Variants in AKAP7 observed in about 807,000 individuals in gnomAD.
AKAP7 encodes the protein A-kinase anchoring protein 7.
In AKAP7, 39 loss-of-function variants were observed where a neutral mutation model predicts 39.5. That is an observed-to-expected ratio of 0.99 (90% CI 0.76 to 1.29). The LOEUF (loss-of-function observed/expected upper bound fraction) is 1.29. AKAP7 is among the 50% of genes most tolerant of loss of function. The pLI, the probability that AKAP7 is intolerant of heterozygous loss-of-function variation, is 0.00. For missense variants in AKAP7, 414 were observed against 407.7 expected (o/e 1.02, Z -0.13); for synonymous variants, 140 against 139.1 (o/e 1.01, Z -0.05).
chr6:131,163,237 TTGTAGTTAATCACTTAGAAAG>T (rs1803162583), intron 3 of AKAP7, among the ~76,000 whole-genome samples: 1 of 152,226 alleles, frequency 6.6e-6, no homozygotes, highest in African/African-American at 2.4e-5. Flanking sequence ...AGAGACTTAT[TTGTAGTTAATCACTTAGAAAG>T]CTTACATACA....
intron 7 of AKAP7, chr6:131,241,953 A>G (rs981305701): frequency 1.4e-6 from 1 of 734,706 alleles, no homozygotes; most frequent in African/African-American, 1.9e-5. Context: ...TCTGGTAGAA[A>G]TGAAGATAAT....
chr6:131,264,526 G>C (rs1419818880), intron 7 of AKAP7, among the ~76,000 whole-genome samples: 1 of 152,138 alleles, frequency 6.6e-6, no homozygotes, highest in Non-Finnish European at 1.5e-5. Flanking sequence ...AAGTGAGTAG[G>C]TTTCCCATAT....
intron 1 of AKAP7, among the ~76,000 whole-genome samples, chr6:131,139,908 T>C (rs1242166485): frequency 6.6e-6 from 1 of 152,212 alleles, no homozygotes; most frequent in Non-Finnish European, 1.5e-5. Context: ...TAAACGGACA[T>C]GTATAACATA....
chr6:131,213,171 C>T (rs1256657978), intron 6 of AKAP7, among the ~76,000 whole-genome samples: 1 of 152,152 alleles, frequency 6.6e-6, no homozygotes, highest in African/African-American at 2.4e-5. Flanking sequence ...TGTTATGTGG[C>T]AAGTTAAAGT....
chr6:131,210,199 A>G (rs1808515602), intron 6 of AKAP7, among the ~76,000 whole-genome samples: 1 of 152,260 alleles, frequency 6.6e-6, no homozygotes, highest in African/African-American at 2.4e-5. Context: ...GAGCTGGTTT[A>G]TTTTGACCAT....
Position 131,264,521 on chromosome 6 carries a change from A to G in AKAP7, c.851-17009A>G, listed in dbSNP as rs530547828. 2.9e-3 allele frequency among the ~76,000 whole-genome samples: 444 copies of G among 152,314 alleles called. 3 individuals carry two copies. The highest frequency in any genetic ancestry group is 0.01 in the African/African-American group (428 of 41,550). ...TTCAAGAAATATATTGTATAAAGTG[A>G]GTAGGTTTCCCATATTATGTTTGCT... On this transcript the variant is annotated intron_variant, in intron 7 of 7. Coordinates refer to ENST00000431975, the MANE Select transcript of AKAP7 (RefSeq NM_016377.4).
chr6:131,142,561 A>G (rs1420222713), intron 1 of AKAP7, among the ~76,000 whole-genome samples: 1 of 152,264 alleles, frequency 6.6e-6, no homozygotes, highest in Admixed American at 6.5e-5. Flanking sequence ...TGTACCAGAA[A>G]GCCTGGGTGC....
chr6:131,274,986 A>G (rs1036728576), intron 7 of AKAP7, among the ~76,000 whole-genome samples: 2 of 152,166 alleles, frequency 1.3e-5, no homozygotes, highest in African/African-American at 2.4e-5. Flanking sequence ...GTATTCTGTT[A>G]CAGCACTTAA....
At chr6:131,158,143 T>A (rs1802592227) in intron 2 of AKAP7, among the ~76,000 whole-genome samples, 1 of 152,242 alleles carries the variant, frequency 6.6e-6, no homozygotes, top group Non-Finnish European at 1.5e-5. Flanking sequence ...TTATTTTTGC[T>A]CTGTGGTTTT....
At chr6:131,179,123 C>T (rs976159660) in intron 5 of AKAP7, among the ~76,000 whole-genome samples, 2 of 152,108 alleles carry the variant, frequency 1.3e-5, no homozygotes, top group Non-Finnish European at 2.9e-5. Flanking sequence ...GTGGGATGCC[C>T]TCATAGGTCT....
intron 7 of AKAP7, among the ~76,000 whole-genome samples, chr6:131,225,452 A>G (rs1185626814): frequency 6.6e-6 from 1 of 152,170 alleles, no homozygotes; most frequent in Admixed American, 6.5e-5. Context: ...TTGAGAGTAA[A>G]GATATTAGCC....
At chr6:131,141,539 G>A (rs1398475341) in intron 1 of AKAP7, among the ~76,000 whole-genome samples, 1 of 152,190 alleles carries the variant, frequency 6.6e-6, no homozygotes, top group Non-Finnish European at 1.5e-5. Flanking sequence ...AAAGAGCAGG[G>A]TGTTGCTGTA....
intron 5 of AKAP7, among the ~76,000 whole-genome samples, chr6:131,178,909 G>T (rs1330356580): frequency 6.6e-6 from 1 of 152,084 alleles, no homozygotes; most frequent in Non-Finnish European, 1.5e-5. Context: ...CTCTCTCCCT[G>T]CCCACTGTGC....
chr6:131,236,117 A>C (rs533182660), intron 7 of AKAP7, among the ~76,000 whole-genome samples: 2 of 152,120 alleles, frequency 1.3e-5, no homozygotes, highest in African/African-American at 2.4e-5. Flanking sequence ...TCAGCTTTCT[A>C]CATATGGCTA....
the AKAP7 span, among the ~76,000 whole-genome samples, chr6:131,125,864 C>T: frequency 6.6e-6 from 1 of 152,130 alleles, no homozygotes; most frequent in Non-Finnish European, 1.5e-5. Context: ...GCTTGTTTCC[C>T]CCTTTTCTCG....
intron 2 of AKAP7, among the ~76,000 whole-genome samples, chr6:131,149,467 T>TCTA (rs573236980): frequency 4.1e-4 from 62 of 152,234 alleles, no homozygotes; most frequent in African/African-American, 1.5e-3. Context: ...AAATCCCGTC[T>TCTA]CTACTAAAAA....
chr6:131,173,560 A>T (rs1804288975), intron 5 of AKAP7, among the ~76,000 whole-genome samples: 1 of 152,220 alleles, frequency 6.6e-6, no homozygotes, highest in South Asian at 2.1e-4. Context: ...CATGTAAGCA[A>T]GCATGCAAAC....
intron 5 of AKAP7, among the ~76,000 whole-genome samples, chr6:131,174,773 T>C (rs899544559): frequency 3.3e-5 from 5 of 152,226 alleles, no homozygotes; most frequent in Non-Finnish European, 7.3e-5. Context: ...TGTATGTATA[T>C]GCCTACACAG....
At chr6:131,136,754 C>G (rs1800578621) in intron 1 of AKAP7, 2 of 638,862 alleles carry the variant, frequency 3.1e-6, no homozygotes, top group Non-Finnish European at 1.9e-6. Context: ...TTGGATTTTA[C>G]TTTTGTTCCC....
Sources: gnomAD v4.1 joint callset for allele counts (sites outside exome capture counted in the v4.1 genomes callset) on GRCh38, gnomAD v4.1.1 for gene constraint, MANE v1.5 for transcripts, NCBI Gene and HGNC (gene_info 2026-07-23, HGNC 2026-07-21) for gene names.